Variants in CREBBP observed in about 807,000 individuals in gnomAD.
CREBBP encodes the protein CREB-binding protein.
Under a neutral mutation model 265.0 loss-of-function variants are expected in CREBBP, and 19 were observed. The ratio of observed to expected loss-of-function variants is 0.07; its 90% CI spans 0.05 to 0.11. The LOEUF is 0.11. Ranked by LOEUF, CREBBP falls within the 10% of genes least tolerant of loss-of-function variation. CREBBP has a pLI of 1.00. For synonymous variants in CREBBP, 1,457 were observed against 1,223.7 expected (o/e 1.19, Z -3.98); for missense variants, 2,525 against 3,219.0 (o/e 0.78, Z 5.22).
At chr16:3,849,428 T>TGTGTGTGTGTGTGTG (rs2054750499) in intron 2 of CREBBP, among the ~76,000 whole-genome samples, 2 of 7,942 alleles carry the variant, frequency 2.5e-4, no homozygotes, top group Non-Finnish European at 1.5e-3. Context: ...TGTGTGTGTG[T>TGTGTGTGTGTGTGTG]GTGTGTGTGT....
chr16:3,735,623 G>A (rs1434752712), intron 28 of CREBBP, among the ~76,000 whole-genome samples: 1 of 152,158 alleles, frequency 6.6e-6, no homozygotes, highest in Non-Finnish European at 1.5e-5. Context: ...GGCTCAGTCT[G>A]CACTGCCTGG....
chr16:3,763,453 G>C (rs2052770673), intron 16 of CREBBP, among the ~76,000 whole-genome samples: 1 of 152,016 alleles, frequency 6.6e-6, no homozygotes, highest in East Asian at 1.9e-4. Flanking sequence ...GAACCCCAAA[G>C]CCCAGCCTGA....
chr16:3,783,439 T>C (rs921783980), intron 5 of CREBBP, among the ~76,000 whole-genome samples: 4 of 152,230 alleles, frequency 2.6e-5, no homozygotes, highest in African/African-American at 9.6e-5. Flanking sequence ...TTAATAAATC[T>C]ATAATGTGCT....
Position 3,773,886 on chromosome 16 carries a change from C to A in CREBBP, c.2328G>T (p.Met776Ile), listed in dbSNP as rs2141216567. ...CCATCATGTTGTTGGTGTGTGCACC[C>A]ATCATGTTCGGAGGCTGAGGCATTC... is the stretch of plus-strand genomic sequence containing the variant. The part of the protein sequence containing the change: ...PSRMPQPPNM[M>I]GAHTNNMMAQ... The change falls in exon 13 of 31, where the codon ATG (methionine) becomes ATT (isoleucine). Residue 776 changes from methionine (M) to isoleucine (I), a missense_variant. Physicochemically the swap from Met to Ile is conservative, Grantham distance 10. Around this residue, in one of 19 missense-constraint regions of CREBBP, gnomAD observed 548 missense variants for 533.0 expected, o/e 1.03. Transcript: ENST00000262367. 2 of 1,612,288 alleles carry A rather than the reference C, an allele frequency of 1.2e-6. No individual in the cohort carries two copies. The highest frequency in any genetic ancestry group is 1.7e-6 in the Non-Finnish European group (2 of 1,180,024).
intron 5 of CREBBP, 80 bp from the exon 6 acceptor site, chr16:3,783,006 G>A (rs2141253496): frequency 6.4e-7 from 1 of 1,558,934 alleles, no homozygotes; most frequent in Non-Finnish European, 8.8e-7. Context: ...AAAAACTATT[G>A]AGAAGCAAAT....
At chr16:3,846,448 T>C (rs1487997050) in intron 2 of CREBBP, among the ~76,000 whole-genome samples, 2 of 152,196 alleles carry the variant, frequency 1.3e-5, no homozygotes, top group Non-Finnish European at 1.5e-5. Flanking sequence ...AGAAATTGCA[T>C]GTCCAATAAA....
At chr16:3,735,327 C>G (rs1193445936) in intron 28 of CREBBP, among the ~76,000 whole-genome samples, 1 of 152,124 alleles carries the variant, frequency 6.6e-6, no homozygotes, top group African/African-American at 2.4e-5. Context: ...AACGGAGTCT[C>G]GCACTGTCTC....
At chr16:3,813,543 C>T (rs2053977806) in intron 2 of CREBBP, among the ~76,000 whole-genome samples, 1 of 152,192 alleles carries the variant, frequency 6.6e-6, no homozygotes. Flanking sequence ...ACCGCTGAAA[C>T]ATTGTTCTTA....
At chr16:3,872,556 A>T (rs1333893907) in intron 1 of CREBBP, among the ~76,000 whole-genome samples, 1 of 152,244 alleles carries the variant, frequency 6.6e-6, no homozygotes, top group Admixed American at 6.5e-5. Context: ...TGAGAAGAGC[A>T]GCATCCTTTT....
At chr16:3,864,571 C>G (rs2055140824) in intron 1 of CREBBP, among the ~76,000 whole-genome samples, 1 of 152,040 alleles carries the variant, frequency 6.6e-6, no homozygotes, top group South Asian at 2.1e-4. Flanking sequence ...CTGCTTGAGC[C>G]CAGGAGATGG....
chr16:3,820,491 C>T (rs1055617263), intron 2 of CREBBP, among the ~76,000 whole-genome samples: 2 of 152,112 alleles, frequency 1.3e-5, no homozygotes, highest in Admixed American at 6.5e-5. Context: ...ATGTGCGGCC[C>T]CCAGGTCTGA....
intron 28 of CREBBP, 31 bp downstream of exon 28, chr16:3,736,005 T>A (rs770191253): frequency 6.2e-7 from 1 of 1,614,156 alleles, no homozygotes; most frequent in Non-Finnish European, 8.5e-7. Context: ...GCGGGACACG[T>A]GGGCAATGGA....
chr16:3,879,485 G>C (rs1246926458), intron 1 of CREBBP, among the ~76,000 whole-genome samples: 2 of 152,216 alleles, frequency 1.3e-5, no homozygotes, highest in African/African-American at 4.8e-5. Flanking sequence ...CCTCTGGACG[G>C]CCACGCGTGT....
chr16:3,825,186 T>G (rs1350059256), intron 2 of CREBBP, among the ~76,000 whole-genome samples: 1 of 152,248 alleles, frequency 6.6e-6, no homozygotes, highest in Non-Finnish European at 1.5e-5. Context: ...CTCAGTATTA[T>G]CTATCTCTTG....
intron 24 of CREBBP, 79 bp downstream of exon 24, chr16:3,740,318 CAA>C: frequency 2.6e-6 from 4 of 1,567,138 alleles, no homozygotes; most frequent in Non-Finnish European, 3.5e-6. Flanking sequence ...ACCTCAAACT[CAA>C]GAGCTTTGCA....
At position 3,806,171 on chromosome 16, in the gene CREBBP, A is replaced by AT. The variant is rs146365510; in HGVS notation, c.975+4431_975+4432insA. ...CATCCTAGCACATGGCTTGCCGCTC[A>AT]GGTGCTACCAGTGTCACTGCCGCAG... On this transcript the variant is annotated intron_variant, in intron 3 of 30. Transcript: ENST00000262367. 4.3e-3 allele frequency among the ~76,000 whole-genome samples: 648 copies of AT among 152,260 alleles called. 5 individuals carry two copies. The highest frequency in any genetic ancestry group is 0.015 in the African/African-American group (612 of 41,548).
chr16:3,849,446 TG>T (rs1257037448), intron 2 of CREBBP, among the ~76,000 whole-genome samples: 2 of 33,690 alleles, frequency 5.9e-5, no homozygotes, highest in Admixed American at 3.4e-4. Context: ...TGTGTGTGTG[TG>T]TGTGTGTGTG....
chr16:3,776,617 C>T (rs1287954520), intron 11 of CREBBP, among the ~76,000 whole-genome samples: 1 of 152,182 alleles, frequency 6.6e-6, no homozygotes, highest in Non-Finnish European at 1.5e-5. Flanking sequence ...CATGCTTCTC[C>T]TTCTCAGCAT....
intron 2 of CREBBP, among the ~76,000 whole-genome samples, chr16:3,816,881 A>G (rs749035025): frequency 6.6e-6 from 1 of 152,192 alleles, no homozygotes. Context: ...GCCCCTAGGA[A>G]TAGAGCCAGG....
Sources: allele counts gnomAD v4.1 joint callset (sites outside exome capture counted in the v4.1 genomes callset), GRCh38; gene constraint gnomAD v4.1.1; regional missense constraint gnomAD v4.1.1; transcripts MANE v1.5; gene names NCBI Gene and HGNC (gene_info 2026-07-23, HGNC 2026-07-21).